INPP4B: variants seen among roughly 807,000 people sequenced by gnomAD.
INPP4B encodes inositol polyphosphate 4-phosphatase type II.
In INPP4B, 55 loss-of-function variants were observed where a neutral mutation model predicts 122.5. The ratio of observed to expected loss-of-function variants is 0.45; its 90% CI spans 0.36 to 0.56. The LOEUF (loss-of-function observed/expected upper bound fraction) is 0.56, where lower values mean the gene tolerates loss of function less well. Ranked by LOEUF, INPP4B falls within the 20% of genes least tolerant of loss-of-function variation. The probability of loss-of-function intolerance (pLI) is 0.00; values close to 1 mark genes in which losing one functional copy is unlikely to be tolerated. For missense variants in INPP4B, 1,000 were observed against 1,097.7 expected (o/e 0.91, Z 1.26); for synonymous variants, 403 against 388.7 (o/e 1.04, Z -0.43).
At chr4:142,546,202 C>T (rs1829632113) in intron 2 of INPP4B, among the ~76,000 whole-genome samples, 1 of 151,958 alleles carries the variant, frequency 6.6e-6, no homozygotes, top group Non-Finnish European at 1.5e-5. Context: ...TTTTTCTGTT[C>T]CTGTGTAAGT....
At chr4:142,427,404 A>G (rs1244564936) in intron 5 of INPP4B, 9 of 499,062 alleles carry the variant, frequency 1.8e-5, no homozygotes, top group Non-Finnish European at 2.5e-5. Flanking sequence ...AAGAAATTGA[A>G]GTTTTTTATA....
chr4:142,297,891 T>C (rs1759483281), intron 9 of INPP4B, among the ~76,000 whole-genome samples: 1 of 152,182 alleles, frequency 6.6e-6, no homozygotes, highest in African/African-American at 2.4e-5. Flanking sequence ...TATTTATAGT[T>C]TTTCTCTAAT....
At chr4:142,504,026 G>C (rs997485201) in intron 2 of INPP4B, among the ~76,000 whole-genome samples, 2 of 151,862 alleles carry the variant, frequency 1.3e-5, no homozygotes, top group African/African-American at 2.4e-5. Context: ...AGAAAATCTA[G>C]ACAAAATTGG....
rs1004980023 is a variant in INPP4B, at chr4:142,423,076, C to G, written c.136+6097G>C. Among the ~76,000 whole-genome samples the G allele has an allele frequency of 4.6e-5, 7 of 152,078 alleles. No individual in the cohort carries two copies. The South Asian group carries it at 1.5e-3, about 32-fold the overall frequency. The stretch of plus-strand genomic sequence containing the variant: ...AATACTAAAGAAGATATCCTAAAAC[C>G]CTCCATTCTCCCACTGGAGTTTTAA... On this transcript the variant is annotated intron_variant, in intron 5 of 25. Transcript: ENST00000262992.
intron 3 of INPP4B, among the ~76,000 whole-genome samples, chr4:142,435,727 G>A (rs1359249903): frequency 6.6e-6 from 1 of 152,212 alleles, no homozygotes; most frequent in Admixed American, 6.5e-5. Flanking sequence ...AAGTAAGTGT[G>A]CTATTCAGCC....
Position 142,386,950 on chromosome 4 carries a change from G to A in INPP4B, c.372+15988C>T, listed in dbSNP as rs567824618. Reference sequence around the variant, plus strand: ...ATCCATTGATCTCTCAGAGCAGCTGGGGATCGTGGGTAAGTTCTCTCTCGG... The same window carrying A: ...ATCCATTGATCTCTCAGAGCAGCTGAGGATCGTGGGTAAGTTCTCTCTCGG... On this transcript the variant is annotated intron_variant, in intron 7 of 25. Coordinates refer to ENST00000262992, the MANE Select transcript of INPP4B (RefSeq NM_001101669.3). Among the ~76,000 whole-genome samples the A allele has an allele frequency of 6.7e-4, 102 of 152,228 alleles. 1 individual carries two copies. In the Middle Eastern group the frequency reaches 0.031, roughly 46 times the overall value.
rs1381458158 is a variant in INPP4B, at chr4:142,537,216, G to C, written c.-190-74490C>G. Among the ~76,000 whole-genome samples, 4 of 151,694 alleles carry C rather than the reference G, an allele frequency of 2.6e-5. 1 individual carries two copies. Among genetic ancestry groups the C allele is most frequent in the Admixed American group, 6.6e-5 (1 of 15,202 alleles). ...AGTGGCCAGTAAATATAGGCTTCTAGAGATGGTACTGGAAGTGGGAGAAGT... is the reference window on the plus strand; with the variant it reads ...AGTGGCCAGTAAATATAGGCTTCTACAGATGGTACTGGAAGTGGGAGAAGT... On this transcript the variant is annotated intron_variant, in intron 2 of 25. Transcript: ENST00000262992.
intron 2 of INPP4B, among the ~76,000 whole-genome samples, chr4:142,692,930 G>GATAGATAC (rs988871786): frequency 0.012 from 1,744 of 150,350 alleles, 32 homozygotes; most frequent in African/African-American, 0.031. Context: ...TAGATAGATA[G>GATAGATAC]ATAGATACAT....
rs116891785 is a variant in INPP4B at position 142,592,681 on chromosome 4, T to C, written c.-190-129955A>G. Among the ~76,000 whole-genome samples, 122 of 152,354 alleles carry C rather than the reference T, an allele frequency of 8.0e-4. 1 individual carries two copies. The East Asian group carries it at 0.021, about 26-fold the overall frequency. ...GATTTGAACTTAGGCAGTCATCATT[T>C]TTTTCTTTTTAAGTGGAAGCATAGT... On this transcript the variant is annotated intron_variant, in intron 2 of 25. Transcript: ENST00000262992.
intron 2 of INPP4B, among the ~76,000 whole-genome samples, chr4:142,472,324 GA>G (rs35559477): frequency 0.22 from 31,298 of 140,704 alleles, 3,501 homozygotes; most frequent in East Asian, 0.39. Flanking sequence ...ATCATTGTAG[GA>G]AAAAAAAAAA....
chr4:142,505,240 TA>T (rs61333660), intron 2 of INPP4B, among the ~76,000 whole-genome samples: 2,550 of 134,196 alleles, frequency 0.019, 29 homozygotes, highest in African/African-American at 0.046. Flanking sequence ...CTCTGTCTAT[TA>T]AAAAAAAAAA....
At chr4:142,618,523 A>C (rs1184019851) in intron 2 of INPP4B, among the ~76,000 whole-genome samples, 5 of 152,110 alleles carry the variant, frequency 3.3e-5, no homozygotes, top group Non-Finnish European at 4.4e-5. Flanking sequence ...GGGAAACTAG[A>C]TACCCACATG....
At chr4:142,339,447 T>C (rs1777937806) in intron 7 of INPP4B, among the ~76,000 whole-genome samples, 1 of 152,300 alleles carries the variant, frequency 6.6e-6, no homozygotes. Flanking sequence ...TCAGGAAGTA[T>C]AAAAATTATG....
chr4:142,594,814 G>A (rs923441272), intron 2 of INPP4B, among the ~76,000 whole-genome samples: 4 of 151,902 alleles, frequency 2.6e-5, no homozygotes, highest in African/African-American at 9.7e-5. Context: ...AATTAGCCGA[G>A]TGTGGTGGTG....
chr4:142,595,101 A>G (rs1443214192), intron 2 of INPP4B, among the ~76,000 whole-genome samples: 1 of 149,794 alleles, frequency 6.7e-6, no homozygotes. Flanking sequence ...ATTTTTTTGT[A>G]TTTTACATAA....
chr4:142,066,600 TG>T (rs1202409793), intron 25 of INPP4B, among the ~76,000 whole-genome samples: 7 of 152,170 alleles, frequency 4.6e-5, no homozygotes, highest in African/African-American at 1.7e-4. Flanking sequence ...AGAAGGTACC[TG>T]GAAAATCGGG....
At position 142,403,020 on chromosome 4, in the gene INPP4B, G is replaced by A; in HGVS notation, c.290C>T (p.Thr97Ile). ...ATAGATGGGATACTCAGATGGGAAT[G>A]TGACACCAGTCAAAAACAGTGGGTC... ...TRDPLFLTGV[T>I]FPSEYPIYEE... The change falls in exon 7 of 26, where the codon ACA becomes ATA. Residue 97 changes from threonine to isoleucine, a missense_variant. Thr to Ile is a moderately conservative substitution (Grantham distance 89, BLOSUM62 -1). Coordinates refer to ENST00000262992, the MANE Select transcript of INPP4B (RefSeq NM_001101669.3). 1 of 1,610,622 alleles carries A rather than the reference G, an allele frequency of 6.2e-7. No individual in the cohort carries two copies. Among genetic ancestry groups the A allele is most frequent in the East Asian group, 2.2e-5 (1 of 44,852 alleles).
At chr4:142,463,529 T>C (rs1817145506) in intron 2 of INPP4B, among the ~76,000 whole-genome samples, 1 of 152,188 alleles carries the variant, frequency 6.6e-6, no homozygotes, top group Non-Finnish European at 1.5e-5. Flanking sequence ...TTTGTATACT[T>C]TCACTATAAT....
intron 2 of INPP4B, among the ~76,000 whole-genome samples, chr4:142,504,511 G>A (rs764850398): frequency 6.6e-6 from 1 of 152,078 alleles, no homozygotes; most frequent in Non-Finnish European, 1.5e-5. Context: ...AAGTCCTAGT[G>A]CATTAATAGT....
Sources: allele counts gnomAD v4.1 joint callset (sites outside exome capture counted in the v4.1 genomes callset), GRCh38; gene constraint gnomAD v4.1.1; transcripts MANE v1.5; gene names NCBI Gene and HGNC (gene_info 2026-07-23, HGNC 2026-07-21).